SEMA6D: variants seen among roughly 807,000 people sequenced by gnomAD.
The protein encoded by SEMA6D is semaphorin-6D.
SEMA6D carries 35 observed loss-of-function variants against 106.6 expected under a neutral mutation model. The ratio of observed to expected loss-of-function variants is 0.33; its 90% CI spans 0.25 to 0.44. SEMA6D has a LOEUF of 0.44. Ranked by LOEUF, SEMA6D falls within the 20% of genes least tolerant of loss-of-function variation. The pLI, the probability that SEMA6D is intolerant of heterozygous loss-of-function variation, is 1.00. For missense variants in SEMA6D, 1,185 were observed against 1,345.9 expected, an observed-to-expected ratio of 0.88 and a Z score of 1.87; for synonymous variants, 499 against 487.7, an observed-to-expected ratio of 1.02 and a Z score of -0.31.
intron 1 of SEMA6D, among the ~76,000 whole-genome samples, chr15:47,362,647 G>A (rs1291412544): frequency 6.6e-6 from 1 of 152,146 alleles, no homozygotes; most frequent in African/African-American, 2.4e-5. Flanking sequence ...AGAGCAGAGT[G>A]CCCTCTCTGG....
At chr15:47,215,742 T>G (rs945137199) in intron 1 of SEMA6D, among the ~76,000 whole-genome samples, 23 of 152,186 alleles carry the variant, frequency 1.5e-4, no homozygotes, top group African/African-American at 5.5e-4. Context: ...TTCTTTATTC[T>G]AAACAAATCT....
intron 1 of SEMA6D, among the ~76,000 whole-genome samples, chr15:47,292,614 C>T (rs1157713376): frequency 6.6e-6 from 1 of 152,084 alleles, no homozygotes; most frequent in Admixed American, 6.5e-5. Flanking sequence ...GCACACATGG[C>T]AGGGCCAAGG....
At position 47,611,019 on chromosome 15, in the gene SEMA6D, G is replaced by A. The variant is rs149395923; in HGVS notation, c.-55+10123G>A. Among the ~76,000 whole-genome samples the A allele has an allele frequency of 2.6e-3, 401 of 152,206 alleles. 1 individual carries two copies. The highest frequency in any genetic ancestry group is 8.1e-3 in the African/African-American group (335 of 41,530). On this transcript the variant is annotated intron_variant, in intron 4 of 19. Coordinates refer to the SEMA6D transcript ENST00000558014. ...GCACACAAATGACTGAGGCTTTATC[G>A]TCATTCCTAATGTAGGCAGCACCTA...
At chr15:47,487,867 A>G (rs2043343783) in intron 3 of SEMA6D, among the ~76,000 whole-genome samples, 2 of 152,114 alleles carry the variant, frequency 1.3e-5, no homozygotes, top group Non-Finnish European at 2.9e-5. Context: ...ATTATAAAAT[A>G]TATTACCTTA....
intron 1 of SEMA6D, among the ~76,000 whole-genome samples, chr15:47,738,785 G>A (rs2080608746): frequency 6.6e-6 from 1 of 152,200 alleles, no homozygotes; most frequent in East Asian, 1.9e-4. Flanking sequence ...AATCTACAAT[G>A]TGGGCAGAGC....
chr15:47,547,555 T>C (rs2045560859), intron 3 of SEMA6D, among the ~76,000 whole-genome samples: 14 of 152,162 alleles, frequency 9.2e-5, no homozygotes, highest in Admixed American at 9.2e-4. Flanking sequence ...TTTTTTTACC[T>C]TTCAGCATTT....
chr15:47,562,878 T>C (rs1859559654), intron 3 of SEMA6D, among the ~76,000 whole-genome samples: 2 of 152,170 alleles, frequency 1.3e-5, no homozygotes, highest in Admixed American at 1.3e-4. Context: ...CAACAACTTG[T>C]TTGAGAATAT....
intron 1 of SEMA6D, among the ~76,000 whole-genome samples, chr15:47,195,723 C>A (rs763767155): frequency 6.6e-6 from 1 of 152,058 alleles, no homozygotes; most frequent in South Asian, 2.1e-4. Flanking sequence ...TTGTGCTCGC[C>A]GTGTTTGAAC....
intron 4 of SEMA6D, among the ~76,000 whole-genome samples, chr15:47,696,361 C>T (rs1048175938): frequency 2.0e-5 from 3 of 152,154 alleles, no homozygotes; most frequent in Non-Finnish European, 2.9e-5. Flanking sequence ...GCTAAGTTCA[C>T]GCAGAACAAG....
intron 1 of SEMA6D, among the ~76,000 whole-genome samples, chr15:47,411,031 G>A (rs574745558): frequency 3.9e-5 from 6 of 152,106 alleles, no homozygotes; most frequent in African/African-American, 9.6e-5. Flanking sequence ...TGGACACGGT[G>A]TAGGGTATCA....
intron 1 of SEMA6D, among the ~76,000 whole-genome samples, chr15:47,326,544 G>T (rs2037136354): frequency 1.3e-5 from 2 of 152,170 alleles, no homozygotes. Context: ...TTGTAGCCTG[G>T]TTTACATTTA....
chr15:47,319,282 A>G (rs1459172863), intron 1 of SEMA6D, among the ~76,000 whole-genome samples: 1 of 152,206 alleles, frequency 6.6e-6, no homozygotes, highest in Non-Finnish European at 1.5e-5. Context: ...CTTATAATTC[A>G]AACATTTCTG....
chr15:47,641,725 C>G (rs1037473146), intron 4 of SEMA6D, among the ~76,000 whole-genome samples: 2 of 152,166 alleles, frequency 1.3e-5, no homozygotes, highest in Non-Finnish European at 2.9e-5. Context: ...CTTGCCCTTC[C>G]GCCTCACTGA....
At chr15:47,535,789 A>G (rs2045143620) in intron 3 of SEMA6D, among the ~76,000 whole-genome samples, 1 of 152,142 alleles carries the variant, frequency 6.6e-6, no homozygotes, top group Non-Finnish European at 1.5e-5. Context: ...GAGAGAGGAT[A>G]TGAGGGAAAG....
rs758330754 is a variant in SEMA6D, at chr15:47,771,504, T to G, written c.2941T>G (p.Leu981Val). The stretch of plus-strand genomic sequence containing the variant: ...CTCTATATCTGCTATGCCTAAAAAC[T>G]TAAACTCACCAAATGGTGTTTTGTT... ...RHSISAMPKN[L>V]NSPNGVLLSR... Residue 981 changes from leucine (L) to valine (V), a missense_variant, in exon 19 of 19, where the codon TTA becomes GTA. Physicochemically the swap from Leu to Val is conservative, Grantham distance 32 (BLOSUM62 1). Coordinates refer to ENST00000536845, the MANE Select transcript of SEMA6D (RefSeq NM_001358351.3). 1 of 1,614,078 alleles carries G rather than the reference T, an allele frequency of 6.2e-7. No individual in the cohort carries two copies. Among genetic ancestry groups the G allele is most frequent in the South Asian group, 1.1e-5 (1 of 91,074 alleles).
chr15:47,277,580 A>T (rs1295650209), intron 1 of SEMA6D, among the ~76,000 whole-genome samples: 1 of 107,362 alleles, frequency 9.3e-6, no homozygotes, highest in African/African-American at 2.8e-5. Flanking sequence ...TAAGGTATGT[A>T]TATTATTATT....
intron 1 of SEMA6D, among the ~76,000 whole-genome samples, chr15:47,401,261 C>T (rs575122024): frequency 6.6e-6 from 1 of 152,130 alleles, no homozygotes; most frequent in Non-Finnish European, 1.5e-5. Context: ...TTTTTATAAT[C>T]CCACATTTCT....
intron 3 of SEMA6D, among the ~76,000 whole-genome samples, chr15:47,553,764 G>A: frequency 6.6e-6 from 1 of 152,004 alleles, no homozygotes; most frequent in Non-Finnish European, 1.5e-5. Flanking sequence ...AAAATTAAAT[G>A]TCTGTGAATT....
At chr15:47,597,897 A>G (rs2076569146) in intron 3 of SEMA6D, among the ~76,000 whole-genome samples, 1 of 150,288 alleles carries the variant, frequency 6.7e-6, no homozygotes, top group Non-Finnish European at 1.5e-5. Flanking sequence ...ATCACTGTGT[A>G]CCCCCATAAT....
Sources: allele counts gnomAD v4.1 joint callset (sites outside exome capture counted in the v4.1 genomes callset), GRCh38; gene constraint gnomAD v4.1.1; transcripts MANE v1.5; gene names NCBI Gene and HGNC (gene_info 2026-07-23, HGNC 2026-07-21).